Variants in SRPK2 observed in about 807,000 individuals in gnomAD.
SRPK2 encodes SFRS protein kinase 2.
Under a neutral mutation model 90.8 loss-of-function variants are expected in SRPK2, and 21 were observed. That is an observed-to-expected ratio of 0.23 (90% CI 0.16 to 0.33). The LOEUF is 0.33. Ranked by LOEUF, SRPK2 falls within the 10% of genes least tolerant of loss-of-function variation. The pLI is 1.00. For missense variants in SRPK2, 620 were observed against 869.0 expected (o/e 0.71, Z 3.60); for synonymous variants, 288 against 311.1 (o/e 0.93, Z 0.78).
At chr7:105,249,077 C>A (rs573035847) in intron 2 of SRPK2, among the ~76,000 whole-genome samples, 1 of 152,276 alleles carries the variant, frequency 6.6e-6, no homozygotes, top group East Asian at 1.9e-4. Context: ...CTTCTTGAGG[C>A]ATATAAATGG....
At chr7:105,231,365 G>C (rs1407228582) in intron 2 of SRPK2, among the ~76,000 whole-genome samples, 3 of 152,120 alleles carry the variant, frequency 2.0e-5, no homozygotes, top group Non-Finnish European at 4.4e-5. Flanking sequence ...GAACAGTGCT[G>C]CACTGAACAT....
At position 105,383,479 on chromosome 7, in the gene SRPK2, G is replaced by A. The variant is rs543041875; in HGVS notation, c.71+5169C>T. 2.3e-3 allele frequency among the ~76,000 whole-genome samples: 348 copies of A among 151,464 alleles called. 1 individual carries two copies. The highest frequency in any genetic ancestry group is 7.7e-3 in the African/African-American group (317 of 41,240). ...TCTGTCACCCAGGCTGGAGTGCAGCGGCATGATCTCGGCTCACCACAACCT... is the reference window on the plus strand; with the variant it reads ...TCTGTCACCCAGGCTGGAGTGCAGCAGCATGATCTCGGCTCACCACAACCT... On this transcript the variant is annotated intron_variant, in intron 2 of 15. Coordinates refer to ENST00000393651, the MANE Select transcript of SRPK2 (RefSeq NM_182692.3).
chr7:105,176,749 A>ATG (rs10607750), intron 3 of SRPK2, among the ~76,000 whole-genome samples: 87 of 144,422 alleles, frequency 6.0e-4, no homozygotes, highest in Admixed American at 1.2e-3. Flanking sequence ...ATGTGTGTAT[A>ATG]TGTGTGTGTG....
intron 9 of SRPK2, among the ~76,000 whole-genome samples, chr7:105,144,241 ATT>A (rs35535485): frequency 8.5e-6 from 1 of 117,184 alleles, no homozygotes; most frequent in African/African-American, 3.3e-5. Context: ...CACCCGGCTA[ATT>A]TTTTTTTTTT....
intron 2 of SRPK2, among the ~76,000 whole-genome samples, chr7:105,238,213 A>G (rs1488440877): frequency 2.6e-5 from 4 of 152,228 alleles, no homozygotes; most frequent in Admixed American, 6.5e-5. Context: ...TACTTGCCTC[A>G]AAGTCCTAAC....
intron 2 of SRPK2, among the ~76,000 whole-genome samples, chr7:105,337,052 T>G (rs1380220774): frequency 6.6e-6 from 1 of 152,120 alleles, no homozygotes; most frequent in East Asian, 1.9e-4. Context: ...GCCACCCACC[T>G]CGGCCTCCCA....
At position 105,141,262 on chromosome 7, in the gene SRPK2, C is replaced by T. The variant is rs1584928964; in HGVS notation, c.1543+746G>A. Among the ~76,000 whole-genome samples the T allele has an allele frequency of 2.6e-5, 4 of 152,264 alleles. No homozygotes were observed. In the South Asian group the frequency reaches 8.3e-4, roughly 32 times the overall value. On this transcript the variant is annotated intron_variant, in intron 11 of 15. Coordinates refer to ENST00000393651, the MANE Select transcript of SRPK2 (RefSeq NM_182692.3). Reference sequence around the variant, plus strand: ...AATGTCGGGCTGTTTGCAGGGCTGGCTCATCAATTTTACTCGCTGTGTGTT... The same window carrying T: ...AATGTCGGGCTGTTTGCAGGGCTGGTTCATCAATTTTACTCGCTGTGTGTT...
chr7:105,294,582 T>C (rs935001561), intron 2 of SRPK2, among the ~76,000 whole-genome samples: 1 of 152,150 alleles, frequency 6.6e-6, no homozygotes, highest in Non-Finnish European at 1.5e-5. Context: ...GCTAGAGTGC[T>C]GTGGCACAAT....
At chr7:105,180,137 A>T (rs566337509) in intron 3 of SRPK2, among the ~76,000 whole-genome samples, 1 of 152,356 alleles carries the variant, frequency 6.6e-6, no homozygotes, top group Non-Finnish European at 1.5e-5. Context: ...AAGCAAAAAG[A>T]ACAAAGCAGG....
At chr7:105,204,335 G>A (rs1424075680) in intron 2 of SRPK2, among the ~76,000 whole-genome samples, 1 of 152,210 alleles carries the variant, frequency 6.6e-6, no homozygotes, top group African/African-American at 2.4e-5. Flanking sequence ...AAGATTGCCA[G>A]AAAGATTCTT....
At chr7:105,214,842 A>G (rs995372362) in intron 2 of SRPK2, among the ~76,000 whole-genome samples, 8 of 152,184 alleles carry the variant, frequency 5.3e-5, no homozygotes, top group African/African-American at 9.7e-5. Context: ...TTGACAAGCC[A>G]TTCCTAAAAC....
chr7:105,249,918 C>T (rs1046297947), intron 2 of SRPK2, among the ~76,000 whole-genome samples: 1 of 152,102 alleles, frequency 6.6e-6, no homozygotes, highest in Non-Finnish European at 1.5e-5. Flanking sequence ...CGCATATGAC[C>T]TAGAATGAGG....
chr7:105,302,067 G>A (rs769632210), intron 2 of SRPK2: 214 of 1,560,652 alleles, frequency 1.4e-4, no homozygotes, highest in Middle Eastern at 2.3e-4. Context: ...AGCAAAACTG[G>A]CTCTAAGGAT....
intron 2 of SRPK2, among the ~76,000 whole-genome samples, chr7:105,329,593 C>CA (rs747890497): frequency 0.015 from 1,215 of 81,612 alleles, 16 homozygotes; most frequent in East Asian, 0.097. Context: ...GACTCCGTCT[C>CA]AAAAAAAAAA....
At chr7:105,308,834 G>GA (rs1259924482) in intron 2 of SRPK2, among the ~76,000 whole-genome samples, 1 of 152,098 alleles carries the variant, frequency 6.6e-6, no homozygotes, top group Non-Finnish European at 1.5e-5. Context: ...AAAACTCCAC[G>GA]AAAACTAAAC....
At chr7:105,330,977 A>G (rs1814240237) in intron 2 of SRPK2, among the ~76,000 whole-genome samples, 1 of 152,064 alleles carries the variant, frequency 6.6e-6, no homozygotes, top group Non-Finnish European at 1.5e-5. Context: ...CCAAGTGACA[A>G]AAGGCGAGAC....
chr7:105,182,038 G>A (rs1792923493), intron 3 of SRPK2, among the ~76,000 whole-genome samples: 2 of 151,694 alleles, frequency 1.3e-5, no homozygotes, highest in South Asian at 4.2e-4. Flanking sequence ...AGACCAGCCT[G>A]GCCAGCATGA....
chr7:105,399,111 C>A (rs185596413), intron 1 of SRPK2: 2 of 152,292 alleles, frequency 1.3e-5, no homozygotes, highest in East Asian at 3.9e-4. Context: ...TAACAAATTT[C>A]TCCCAAATTT....
At chr7:105,238,408 C>G (rs543735840) in intron 2 of SRPK2, among the ~76,000 whole-genome samples, 1 of 152,214 alleles carries the variant, frequency 6.6e-6, no homozygotes, top group Non-Finnish European at 1.5e-5. Context: ...CAGAGGCCCA[C>G]GGCCTAGGCT....
Sources: gnomAD v4.1 joint callset for allele counts (sites outside exome capture counted in the v4.1 genomes callset) on GRCh38, gnomAD v4.1.1 for gene constraint, MANE v1.5 for transcripts, NCBI Gene and HGNC (gene_info 2026-07-23, HGNC 2026-07-21) for gene names.